Variants in ATXN7 observed in about 807,000 individuals in gnomAD.
ATXN7 encodes ataxin-7.
A neutral mutation model predicts 70.5 loss-of-function variants in ATXN7; 12 were observed. The observed-to-expected ratio is 0.17, with a 90% CI of 0.11 to 0.28. The LOEUF is 0.28. ATXN7 is among the 10% of genes least tolerant of loss of function. The probability of loss-of-function intolerance (pLI) is 1.00; values close to 1 mark genes in which losing one functional copy is unlikely to be tolerated. For synonymous variants in ATXN7, 498 were observed against 448.7 expected (o/e 1.11, Z -1.39); for missense variants, 1,256 against 1,131.7 (o/e 1.11, Z -1.58).
At chr3:63,929,836 C>T (rs994554658) in intron 4 of ATXN7, among the ~76,000 whole-genome samples, 1 of 152,126 alleles carries the variant, frequency 6.6e-6, no homozygotes, top group African/African-American at 2.4e-5. Context: ...GGCACAAGGC[C>T]GATGGGAGTT....
intron 4 of ATXN7, among the ~76,000 whole-genome samples, chr3:63,913,529 CAG>C (rs1704144434): frequency 6.6e-6 from 1 of 152,194 alleles, no homozygotes; most frequent in Non-Finnish European, 1.5e-5. Flanking sequence ...TACGGAGAAA[CAG>C]GAGTAGAGGA....
intron 1 of ATXN7, among the ~76,000 whole-genome samples, chr3:63,892,374 CCACACACACACACA>C (rs56293497): frequency 1.6e-4 from 21 of 133,478 alleles, no homozygotes; most frequent in African/African-American, 3.4e-4. Context: ...GACACCTCTA[CCACACACACACACA>C]CACACACACA....
At chr3:63,941,141 G>C (rs538218443) in intron 4 of ATXN7, among the ~76,000 whole-genome samples, 10 of 152,268 alleles carry the variant, frequency 6.6e-5, no homozygotes, top group African/African-American at 2.4e-4. Context: ...ACTCTTACCT[G>C]TTAGGGGTCA....
chr3:63,903,369 AG>A (rs1484466498), intron 2 of ATXN7, among the ~76,000 whole-genome samples: 1 of 145,860 alleles, frequency 6.9e-6, no homozygotes, highest in East Asian at 2.1e-4. Flanking sequence ...CCTGGGCAAC[AG>A]AGCAAGACTC....
At chr3:63,958,695 G>A (rs1366091333) in intron 5 of ATXN7, among the ~76,000 whole-genome samples, 1 of 152,056 alleles carries the variant, frequency 6.6e-6, no homozygotes, top group South Asian at 2.1e-4. Flanking sequence ...CTAAATTTAA[G>A]TCCACTGACT....
At chr3:63,932,983 T>G (rs1233326133) in intron 4 of ATXN7, among the ~76,000 whole-genome samples, 1 of 152,252 alleles carries the variant, frequency 6.6e-6, no homozygotes. Context: ...TACAGACTCT[T>G]GGCAGTGTTG....
chr3:63,886,157 C>A (rs563387564), intron 1 of ATXN7, among the ~76,000 whole-genome samples: 1 of 152,254 alleles, frequency 6.6e-6, no homozygotes, highest in East Asian at 1.9e-4. Flanking sequence ...CACAGAAAGA[C>A]AAATACTGCA....
At chr3:63,896,266 C>T (rs1214758901) in intron 1 of ATXN7, among the ~76,000 whole-genome samples, 1 of 126,050 alleles carries the variant, frequency 7.9e-6, no homozygotes, top group Non-Finnish European at 1.9e-5. Flanking sequence ...CCACTGCTAA[C>T]TGGCCATCAT....
chr3:63,879,212 C>G (rs1274722993), intron 1 of ATXN7, among the ~76,000 whole-genome samples: 4 of 152,002 alleles, frequency 2.6e-5, no homozygotes, highest in Non-Finnish European at 5.9e-5. Context: ...AAAGAGTTAC[C>G]CTACTCTTAT....
intron 4 of ATXN7, among the ~76,000 whole-genome samples, chr3:63,932,191 T>A (rs1417719502): frequency 6.6e-6 from 1 of 152,210 alleles, no homozygotes; most frequent in East Asian, 1.9e-4. Flanking sequence ...TTCAAGGTAA[T>A]TAAAAAATTT....
intron 4 of ATXN7, among the ~76,000 whole-genome samples, chr3:63,916,249 T>C (rs1481128700): frequency 6.6e-6 from 1 of 152,224 alleles, no homozygotes; most frequent in African/African-American, 2.4e-5. Flanking sequence ...CTCTTTCAAC[T>C]GTTGATAACC....
intron 8 of ATXN7, among the ~76,000 whole-genome samples, chr3:63,984,065 A>T (rs1326568299): frequency 6.6e-6 from 1 of 152,154 alleles, no homozygotes; most frequent in African/African-American, 2.4e-5. Context: ...GGCATGTTAC[A>T]GTCTTCTGGA....
At chr3:63,990,637 T>A (rs1281346681) in intron 10 of ATXN7, 101 bp from the exon 11 acceptor site, 2 of 1,566,566 alleles carry the variant, frequency 1.3e-6, no homozygotes, top group Non-Finnish European at 1.8e-6. Flanking sequence ...CAGAGGCAGT[T>A]CTGTCTTTCC....
chr3:63,996,141 C>A lies in ATXN7; in HGVS notation c.2319C>A (p.Asp773Glu), dbSNP rs749460509. Residue 773 changes from aspartate to glutamate, a missense_variant, in exon 12 of 13, where the codon GAC (aspartate) becomes GAA (glutamate). Asp to Glu is a conservative substitution (Grantham distance 45, BLOSUM62 2). Transcript: ENST00000674280. ...CAAATGCGGTGAACGTCCGGCATGA[C>A]CAGTCAGGGAGGGGCCCCCCCACCG... is the stretch of plus-strand genomic sequence containing the variant. Reference protein sequence around the residue: ...NKANAVNVRHDQSGRGPPTGS... With the variant: ...NKANAVNVRHEQSGRGPPTGS... 1 of 1,614,168 alleles carries A rather than the reference C, an allele frequency of 6.2e-7. No homozygotes were observed. Among genetic ancestry groups the A allele is most frequent in the South Asian group, 1.1e-5 (1 of 91,076 alleles).
intron 4 of ATXN7, among the ~76,000 whole-genome samples, chr3:63,931,264 G>C (rs1384276165): frequency 6.6e-6 from 1 of 152,074 alleles, no homozygotes; most frequent in Non-Finnish European, 1.5e-5. Flanking sequence ...CTGATTTATT[G>C]TTTCTAGTGC....
intron 1 of ATXN7, among the ~76,000 whole-genome samples, chr3:63,897,862 T>C (rs904443998): frequency 2.0e-5 from 3 of 152,244 alleles, no homozygotes; most frequent in Admixed American, 6.5e-5. Context: ...CTGAAATATA[T>C]GCACACAACT....
rs181246040 is a variant in ATXN7, at chr3:63,986,265, G to A, written c.1096-1794G>A. Among the ~76,000 whole-genome samples the A allele has an allele frequency of 9.2e-5, 14 of 152,338 alleles. No homozygotes were observed. The East Asian group carries it at 2.1e-3, about 23-fold the overall frequency. On this transcript the variant is annotated intron_variant, in intron 8 of 12. Coordinates refer to ENST00000674280, the MANE Select transcript of ATXN7 (RefSeq NM_001377405.1). The stretch of plus-strand genomic sequence containing the variant: ...GAGCAGTAAGCAAGGGTCTTAGAGT[G>A]TGCAGGGTTCCGGAGCCTAGTTATG...
chr3:63,884,863 T>C (rs932224812), intron 1 of ATXN7, among the ~76,000 whole-genome samples: 2 of 151,748 alleles, frequency 1.3e-5, no homozygotes, highest in Non-Finnish European at 2.9e-5. Context: ...TTTGCCATGT[T>C]GCCCAAGCTG....
At chr3:63,944,979 A>G (rs1417179282) in intron 4 of ATXN7, among the ~76,000 whole-genome samples, 1 of 152,134 alleles carries the variant, frequency 6.6e-6, no homozygotes, top group Non-Finnish European at 1.5e-5. Flanking sequence ...TTTAGTAGAG[A>G]TGGAGTTTCA....
Sources: allele counts gnomAD v4.1 joint callset (sites outside exome capture counted in the v4.1 genomes callset), GRCh38; gene constraint gnomAD v4.1.1; transcripts MANE v1.5; gene names NCBI Gene and HGNC (gene_info 2026-07-23, HGNC 2026-07-21).